The following CCDC7 variants were observed in gnomAD, a reference collection of about 807,000 sequenced individuals.
CCDC7 encodes coiled-coil domain containing 7, also known as coiled-coil domain-containing protein 7.
Under a neutral mutation model 196.9 loss-of-function variants are expected in CCDC7, and 183 were observed. The observed-to-expected ratio is 0.93, with a 90% CI of 0.82 to 1.05. The LOEUF is 1.05. Ranked by LOEUF, CCDC7 falls within the 50% of genes least tolerant of loss-of-function variation. The pLI is 0.00. For synonymous variants in CCDC7, 525 were observed against 484.6 expected (o/e 1.08, Z -1.10); for missense variants, 1,540 against 1,482.2 (o/e 1.04, Z -0.64).
At chr10:32,814,729 A>T (rs556843403) in intron 31 of CCDC7, among the ~76,000 whole-genome samples, 2 of 152,322 alleles carry the variant, frequency 1.3e-5, no homozygotes, top group Admixed American at 1.3e-4. Context: ...TATGGTAAAA[A>T]TATCAGTCAA....
chr10:32,484,591 G>A (rs1269066195), intron 8 of CCDC7, among the ~76,000 whole-genome samples: 4 of 152,284 alleles, frequency 2.6e-5, no homozygotes, highest in African/African-American at 7.2e-5. Context: ...CAAAGGGAAT[G>A]CTTCCAGTTT....
chr10:32,843,100 A>T (rs577550467), intron 33 of CCDC7, among the ~76,000 whole-genome samples: 5 of 150,804 alleles, frequency 3.3e-5, no homozygotes, highest in Middle Eastern at 3.4e-3. Context: ...AAAAAAATAA[A>T]TTTTTTTAAA....
chr10:32,588,407 G>T (rs1162852078), intron 18 of CCDC7, among the ~76,000 whole-genome samples: 1 of 151,876 alleles, frequency 6.6e-6, no homozygotes, highest in African/African-American at 2.4e-5. Context: ...TGCATCAATT[G>T]AGATGAGATG....
chr10:32,576,980 A>G (rs904282485), intron 16 of CCDC7, among the ~76,000 whole-genome samples: 1 of 152,196 alleles, frequency 6.6e-6, no homozygotes, highest in African/African-American at 2.4e-5. Flanking sequence ...TCTCATGGAC[A>G]TATAAACATA....
intron 28 of CCDC7, among the ~76,000 whole-genome samples, chr10:32,757,772 TAGAG>T (rs2133724685): frequency 6.6e-6 from 1 of 151,800 alleles, no homozygotes; most frequent in African/African-American, 2.4e-5. Flanking sequence ...CTGAAGGAGA[TAGAG>T]ACAGAAAAAA....
intron 29 of CCDC7, among the ~76,000 whole-genome samples, chr10:32,804,218 C>T (rs972520612): frequency 6.6e-5 from 10 of 152,170 alleles, no homozygotes; most frequent in African/African-American, 2.4e-4. Flanking sequence ...CCTAATCACC[C>T]CTTTCTAACA....
intron 23 of CCDC7, among the ~76,000 whole-genome samples, chr10:32,694,296 T>C (rs1356493012): frequency 2.0e-5 from 3 of 152,236 alleles, no homozygotes; most frequent in Non-Finnish European, 4.4e-5. Context: ...GTGTTTACTA[T>C]TAGAAGTGTT....
Position 32,729,339 on chromosome 10 carries a change from T to TAA in CCDC7, c.2787_2788insAA (p.Leu930AsnfsTer2). 6.4e-7 allele frequency: 1 copy of TAA among 1,561,818 alleles called. No individual in the cohort carries two copies. Among genetic ancestry groups the TAA allele is most frequent in the Non-Finnish European group, 8.7e-7 (1 of 1,155,508 alleles). On this transcript the variant is annotated frameshift_variant, in exon 28 of 42. Coordinates refer to ENST00000639629, the Ensembl canonical transcript of CCDC7. LOFTEE classifies it high-confidence loss of function. ...CTATTTTTTTCTATTTAGCGTTTCCTTTAGAAATCAAAAAAAAGGATATAT... is the reference window on the plus strand; with the variant it reads ...CTATTTTTTTCTATTTAGCGTTTCCTAATTAGAAATCAAAAAAAAGGATATAT...
At chr10:32,604,591 A>T (rs2061386177) in intron 18 of CCDC7, among the ~76,000 whole-genome samples, 1 of 152,030 alleles carries the variant, frequency 6.6e-6, no homozygotes, top group Admixed American at 6.6e-5. Flanking sequence ...TATTCTCTTC[A>T]ATTTATTTTA....
chr10:32,511,184 C>T (rs2046055491), intron 9 of CCDC7, among the ~76,000 whole-genome samples: 1 of 133,040 alleles, frequency 7.5e-6, no homozygotes, highest in Non-Finnish European at 1.5e-5. Context: ...TTTAGCTTTA[C>T]ATATTTACTG....
chr10:32,517,422 A>C (rs2047190336), intron 9 of CCDC7, among the ~76,000 whole-genome samples: 2 of 152,078 alleles, frequency 1.3e-5, no homozygotes, highest in South Asian at 4.2e-4. Flanking sequence ...GTAAATGCCT[A>C]GAACAAGTCC....
intron 24 of CCDC7, among the ~76,000 whole-genome samples, chr10:32,700,567 A>G (rs946994703): frequency 2.0e-5 from 3 of 152,174 alleles, no homozygotes; most frequent in African/African-American, 7.2e-5. Context: ...TGAACTTTAA[A>G]GTAGTTTACT....
chr10:32,568,757 A>G (rs1445182520), intron 15 of CCDC7, among the ~76,000 whole-genome samples: 1 of 152,248 alleles, frequency 6.6e-6, no homozygotes, highest in South Asian at 2.1e-4. Context: ...AGTCATTTAC[A>G]CAAGACCATA....
chr10:32,606,989 G>A (rs1308566644), intron 18 of CCDC7, among the ~76,000 whole-genome samples: 1 of 152,158 alleles, frequency 6.6e-6, no homozygotes. Flanking sequence ...ATGTTGAAAC[G>A]TAAACCCCAA....
At chr10:32,599,568 T>G (rs2060778620) in intron 18 of CCDC7, among the ~76,000 whole-genome samples, 1 of 152,148 alleles carries the variant, frequency 6.6e-6, no homozygotes, top group South Asian at 2.1e-4. Context: ...TCTCCTCTCA[T>G]TTTCTTTTGT....
intron 20 of CCDC7, among the ~76,000 whole-genome samples, chr10:32,661,541 C>G (rs1348805634): frequency 2.0e-5 from 3 of 152,146 alleles, no homozygotes; most frequent in Admixed American, 1.3e-4. Flanking sequence ...AGCATACTAC[C>G]GAGATCTTGC....
At chr10:32,793,778 C>T (rs2083100156) in intron 29 of CCDC7, among the ~76,000 whole-genome samples, 1 of 152,068 alleles carries the variant, frequency 6.6e-6, no homozygotes. Context: ...TCAAAAAATG[C>T]TTGGTAGAAT....
At chr10:32,726,008 T>C (rs1346909024) in intron 25 of CCDC7, among the ~76,000 whole-genome samples, 1 of 152,202 alleles carries the variant, frequency 6.6e-6, no homozygotes, top group Non-Finnish European at 1.5e-5. Flanking sequence ...CTTCTCTTTG[T>C]ATTCCCATCC....
intron 13 of CCDC7, among the ~76,000 whole-genome samples, chr10:32,555,466 G>T (rs1217026185): frequency 1.3e-5 from 2 of 151,948 alleles, no homozygotes; most frequent in South Asian, 2.1e-4. Flanking sequence ...GGATGGTCTC[G>T]ATCTCTTGAC....
Sources: gnomAD v4.1 joint callset for allele counts (sites outside exome capture counted in the v4.1 genomes callset) on GRCh38, gnomAD v4.1.1 for gene constraint, MANE v1.5 for transcripts, NCBI Gene and HGNC (gene_info 2026-07-23, HGNC 2026-07-21) for gene names.